IMMP1L: variants seen among roughly 807,000 people sequenced by gnomAD.
The protein encoded by IMMP1L is inner mitochondrial membrane peptidase subunit 1.
IMMP1L carries 24 observed loss-of-function variants against 21.8 expected under a neutral mutation model. That is an observed-to-expected ratio of 1.10 (90% confidence interval 0.80 to 1.55). The LOEUF (loss-of-function observed/expected upper bound fraction) is 1.55, where lower values mean the gene tolerates loss of function less well. IMMP1L is among the 40% of genes most tolerant of loss of function. The probability of loss-of-function intolerance (pLI) is 0.00; values close to 1 mark genes in which losing one functional copy is unlikely to be tolerated. For synonymous variants in IMMP1L, 46 were observed against 62.8 expected (o/e 0.73, Z 1.26); for missense variants, 195 against 200.7 (o/e 0.97, Z 0.17).
intron 4 of IMMP1L, among the ~76,000 whole-genome samples, chr11:31,442,590 A>G (rs2133568708): frequency 6.6e-6 from 1 of 152,320 alleles, no homozygotes; most frequent in South Asian, 2.1e-4. Flanking sequence ...TTTGCCATAT[A>G]TTTTATAGTT....
Position 31,452,541 on chromosome 11 carries a change from G to A in IMMP1L, c.321+3719C>T, listed in dbSNP as rs935533827. The A allele has an allele frequency of 1.3e-5, 13 of 985,158 alleles. No homozygotes were observed. In the African/African-American group the frequency reaches 1.9e-4, roughly 15 times the overall value. 61.0% of individuals were successfully genotyped at this position (985,158 alleles called of 1,614,324 possible). A position where few individuals can be genotyped will look rare whatever the true frequency, so the allele number is the denominator to read the frequency against. The stretch of plus-strand genomic sequence containing the variant: ...AAATTATTTTTTCTGATAAAGCAGT[G>A]GCTTCAAGCAGCAAACTGAGGAATT... On this transcript the variant is annotated intron_variant, in intron 4 of 5. Coordinates refer to ENST00000532287, the MANE Select transcript of IMMP1L (RefSeq NM_001304274.2).
At chr11:31,458,785 G>A (rs1000562449) in intron 3 of IMMP1L, among the ~76,000 whole-genome samples, 30 of 152,270 alleles carry the variant, frequency 2.0e-4, no homozygotes, top group African/African-American at 7.0e-4. Context: ...TGGATGAATA[G>A]GGTACAAAAT....
intron 1 of IMMP1L, among the ~76,000 whole-genome samples, chr11:31,479,874 A>C (rs538688204): frequency 3.7e-4 from 57 of 152,168 alleles, no homozygotes; most frequent in Non-Finnish European, 5.4e-4. Context: ...TTCCAGTGTC[A>C]AATCTGGTAG....
At chr11:31,443,621 AG>A (rs1953413254) in intron 4 of IMMP1L, among the ~76,000 whole-genome samples, 1 of 152,174 alleles carries the variant, frequency 6.6e-6, no homozygotes, top group Non-Finnish European at 1.5e-5. Context: ...TGCATAATAA[AG>A]GGATTGTAGA....
intron 1 of IMMP1L, among the ~76,000 whole-genome samples, chr11:31,483,250 T>C (rs1954960787): frequency 6.6e-6 from 1 of 151,936 alleles, no homozygotes; most frequent in Non-Finnish European, 1.5e-5. Flanking sequence ...TGGGTGTATT[T>C]GGTTTGCAAA....
intron 1 of IMMP1L, among the ~76,000 whole-genome samples, chr11:31,506,686 G>A (rs1249596000): frequency 2.0e-5 from 3 of 149,976 alleles, no homozygotes; most frequent in Admixed American, 6.6e-5. Flanking sequence ...AGGCGGCTGG[G>A]CGCGGTGGCT....
At chr11:31,451,529 G>A (rs1242192371) in intron 4 of IMMP1L, among the ~76,000 whole-genome samples, 4 of 152,236 alleles carry the variant, frequency 2.6e-5, no homozygotes, top group South Asian at 4.2e-4. Context: ...ATAACTCTAA[G>A]GTTTGTGGCC....
chr11:31,491,649 A>T (rs1955260381), intron 1 of IMMP1L, among the ~76,000 whole-genome samples: 1 of 152,236 alleles, frequency 6.6e-6, no homozygotes, highest in Non-Finnish European at 1.5e-5. Flanking sequence ...TATGATTTGG[A>T]GATTTCTTAA....
intron 4 of IMMP1L, among the ~76,000 whole-genome samples, chr11:31,450,670 T>A (rs1453279935): frequency 6.6e-6 from 1 of 152,198 alleles, no homozygotes; most frequent in Non-Finnish European, 1.5e-5. Flanking sequence ...CTATGAAGAC[T>A]AGAATGACCA....
At chr11:31,470,348 G>T (rs762559241) in intron 1 of IMMP1L, among the ~76,000 whole-genome samples, 19 of 152,118 alleles carry the variant, frequency 1.2e-4, no homozygotes, top group Middle Eastern at 3.4e-3. Context: ...GGGAGGCGGA[G>T]GTTGCGGTGA....
chr11:31,492,240 CATACACTTTT>C (rs1442173157), intron 1 of IMMP1L, among the ~76,000 whole-genome samples: 35 of 152,294 alleles, frequency 2.3e-4, no homozygotes, highest in South Asian at 2.1e-4. Context: ...TGCAGCTTGC[CATACACTTTT>C]ATGTTATGGC....
At chr11:31,452,236 T>G (rs1953780691) in intron 4 of IMMP1L, 11 of 984,840 alleles carry the variant, frequency 1.1e-5, no homozygotes, top group Non-Finnish European at 1.3e-5. Flanking sequence ...GATAGGAATT[T>G]ACCATATTTC....
At chr11:31,504,862 T>A (rs1955731306) in intron 1 of IMMP1L, among the ~76,000 whole-genome samples, 1 of 152,134 alleles carries the variant, frequency 6.6e-6, no homozygotes, top group Admixed American at 6.5e-5. Context: ...AGTAGAGAAG[T>A]AGAAAAACAG....
chr11:31,441,768 TCA>T (rs755816478), intron 4 of IMMP1L, among the ~76,000 whole-genome samples: 17 of 152,242 alleles, frequency 1.1e-4, no homozygotes, highest in Middle Eastern at 3.4e-3. Flanking sequence ...TTTTTTGTGC[TCA>T]CAGAGACAGA....
intron 2 of IMMP1L, among the ~76,000 whole-genome samples, chr11:31,462,486 T>G (rs911833934): frequency 6.6e-6 from 1 of 152,086 alleles, no homozygotes; most frequent in Non-Finnish European, 1.5e-5. Flanking sequence ...CAATTTATTC[T>G]TTCACTTACA....
chr11:31,441,870 C>T (rs1166399503), intron 4 of IMMP1L, among the ~76,000 whole-genome samples: 1 of 152,046 alleles, frequency 6.6e-6, no homozygotes, highest in African/African-American at 2.4e-5. Context: ...AAATGTTTTA[C>T]AAATGGCCCA....
chr11:31,444,210 A>G (rs1373449287), intron 4 of IMMP1L, among the ~76,000 whole-genome samples: 1 of 152,168 alleles, frequency 6.6e-6, no homozygotes, highest in Non-Finnish European at 1.5e-5. Context: ...CAGAAATACT[A>G]TGAGAACCAA....
intron 1 of IMMP1L, among the ~76,000 whole-genome samples, chr11:31,508,108 A>T (rs912850092): frequency 2.0e-5 from 3 of 152,182 alleles, no homozygotes; most frequent in African/African-American, 7.2e-5. Context: ...CCACCACAGC[A>T]CACGTTTACC....
At chr11:31,452,870 C>T in intron 4 of IMMP1L, 1 of 644,366 alleles carries the variant, frequency 1.6e-6, no homozygotes, top group Non-Finnish European at 2.1e-6. Flanking sequence ...CCTGCCTCAG[C>T]CTCCCAAGTA....
Sources: gnomAD v4.1 joint callset for allele counts (sites outside exome capture counted in the v4.1 genomes callset) on GRCh38, gnomAD v4.1.1 for gene constraint, MANE v1.5 for transcripts, NCBI Gene and HGNC (gene_info 2026-07-23, HGNC 2026-07-21) for gene names.